PTPRN2: variants seen among roughly 807,000 people sequenced by gnomAD.
PTPRN2 encodes receptor-type tyrosine-protein phosphatase N2.
Under a neutral mutation model 118.8 loss-of-function variants are expected in PTPRN2, and 74 were observed. The ratio of observed to expected loss-of-function variants is 0.62; its 90% CI spans 0.52 to 0.76. The LOEUF (loss-of-function observed/expected upper bound fraction) is 0.76, where lower values mean the gene tolerates loss of function less well. PTPRN2 is among the 30% of genes least tolerant of loss of function. PTPRN2 has a pLI of 0.00. For synonymous variants in PTPRN2, 641 were observed against 608.0 expected, an observed-to-expected ratio of 1.05 and a Z score of -0.80; for missense variants, 1,481 against 1,394.4, an observed-to-expected ratio of 1.06 and a Z score of -0.99.
intron 16 of PTPRN2, among the ~76,000 whole-genome samples, chr7:157,595,776 G>C (rs1490288575): frequency 6.6e-6 from 1 of 152,214 alleles, no homozygotes; most frequent in East Asian, 1.9e-4. Context: ...CTTGCCCTTT[G>C]TTGATTCAAA....
intron 2 of PTPRN2, among the ~76,000 whole-genome samples, chr7:158,443,265 G>C (rs1014312612): frequency 1.3e-5 from 2 of 152,198 alleles, no homozygotes; most frequent in African/African-American, 4.8e-5. Flanking sequence ...CGCGGCTCCA[G>C]GGCAGCGCCA....
At chr7:158,338,587 C>G (rs1806134772) in intron 2 of PTPRN2, among the ~76,000 whole-genome samples, 1 of 118,714 alleles carries the variant, frequency 8.4e-6, no homozygotes, top group East Asian at 2.4e-4. Flanking sequence ...CACCCACACT[C>G]TCACCATAAG....
At position 157,861,246 on chromosome 7, in the gene PTPRN2, C is replaced by A. The variant is rs926207301; in HGVS notation, c.1788+37427G>T. On this transcript the variant is annotated intron_variant, in intron 12 of 22. Transcript: ENST00000389418. The surrounding 1 kb of genome is among the most constrained non-coding windows in gnomAD (Gnocchi z 5.8). The stretch of plus-strand genomic sequence containing the variant: ...GCTGAATTCCTGTACCTTTTACATA[C>A]GTGAAGTCTATACAATAATGGAACC... Among the ~76,000 whole-genome samples the A allele has an allele frequency of 6.6e-6, 1 of 152,218 alleles. No individual in the cohort carries two copies. Among genetic ancestry groups the A allele is most frequent in the South Asian group, 2.1e-4 (1 of 4,838 alleles).
intron 11 of PTPRN2, among the ~76,000 whole-genome samples, chr7:157,909,260 A>T (rs997555734): frequency 2.0e-5 from 3 of 152,246 alleles, no homozygotes; most frequent in Admixed American, 2.0e-4. Context: ...TCAAAGTATG[A>T]AGCATTTTTT....
chr7:157,780,944 G>A lies in PTPRN2; in HGVS notation c.1789-98007C>T, dbSNP rs909041818. Among the ~76,000 whole-genome samples the A allele has an allele frequency of 6.6e-6, 1 of 152,148 alleles. No homozygotes were observed. Among genetic ancestry groups the A allele is most frequent in the East Asian group, 1.9e-4 (1 of 5,184 alleles). The stretch of plus-strand genomic sequence containing the variant: ...ACCACCCCCACCGAGGCAGTGGGCA[G>A]CCCCTGAGCCAGGCAGCTCCAGGCC... On this transcript the variant is annotated intron_variant, in intron 12 of 22. Coordinates refer to ENST00000389418, the MANE Select transcript of PTPRN2 (RefSeq NM_002847.5). The surrounding 1 kb of genome is among the most constrained non-coding windows in gnomAD (Gnocchi z 4.5).
At position 157,898,670 on chromosome 7, in the gene PTPRN2, C is replaced by T. The variant is rs781179218; in HGVS notation, c.1788+3G>A. 12 of 1,590,570 alleles carry T rather than the reference C, an allele frequency of 7.5e-6. No individual in the cohort carries two copies. Among genetic ancestry groups the T allele is most frequent in the Non-Finnish European group, 1.0e-5 (12 of 1,158,454 alleles). ...AGCAGACGGCACCCCTTCTGTTACT[C>T]ACCGACCCGACTCCGGTTTGAAGAA... On this transcript the variant is annotated splice_donor_region_variant and intron_variant, in intron 12 of 22. Transcript: ENST00000389418.
intron 1 of PTPRN2, among the ~76,000 whole-genome samples, chr7:158,579,436 A>T (rs1828514410): frequency 6.6e-6 from 1 of 152,048 alleles, no homozygotes; most frequent in African/African-American, 2.4e-5. Flanking sequence ...GTTACCAAGG[A>T]CTCTCCCACC....
chr7:158,400,473 C>T lies in PTPRN2; in HGVS notation c.164-83541G>A, dbSNP rs141775857. ...ACAAAATCACAGCCATTAAGTCCAA[C>T]GGGATTGCTTTATGGTGGCTCAAGC... is the stretch of plus-strand genomic sequence containing the variant. On this transcript the variant is annotated intron_variant, in intron 2 of 22. Coordinates refer to ENST00000389418, the MANE Select transcript of PTPRN2 (RefSeq NM_002847.5). Among the ~76,000 whole-genome samples the T allele has an allele frequency of 1.3e-3, 204 of 152,292 alleles. 1 individual carries two copies. Among genetic ancestry groups the T allele is most frequent in the African/African-American group, 4.5e-3 (186 of 41,570 alleles).
chr7:158,041,156 G>A (rs965025381), intron 11 of PTPRN2, among the ~76,000 whole-genome samples: 4 of 152,228 alleles, frequency 2.6e-5, no homozygotes, highest in African/African-American at 4.8e-5. Flanking sequence ...CCACCAGGAA[G>A]AGCCACTGCA....
At chr7:157,970,100 G>C (rs1802215068) in intron 11 of PTPRN2, among the ~76,000 whole-genome samples, 1 of 137,420 alleles carries the variant, frequency 7.3e-6, no homozygotes, top group African/African-American at 2.5e-5. Flanking sequence ...CACAGGGAAA[G>C]GTAAAAGACA....
chr7:158,553,211 C>A (rs187142196), intron 1 of PTPRN2, among the ~76,000 whole-genome samples: 1 of 147,562 alleles, frequency 6.8e-6, no homozygotes, highest in Non-Finnish European at 1.5e-5. Context: ...TTCCCCTATA[C>A]ATGAATAGGC....
chr7:157,641,843 C>G lies in PTPRN2; in HGVS notation c.2196+14514G>C, dbSNP rs537050251. 1.3e-4 allele frequency among the ~76,000 whole-genome samples: 20 copies of G among 152,290 alleles called. No homozygotes were observed. The East Asian group carries it at 2.7e-3, about 21-fold the overall frequency. On this transcript the variant is annotated intron_variant, in intron 14 of 22. Coordinates refer to ENST00000389418, the MANE Select transcript of PTPRN2 (RefSeq NM_002847.5). ...CAACAATTACATGTGGAGTCAAGCA[C>G]CACTCCACATGTGGACGCACAAAGC...
At chr7:158,252,961 C>A (rs1028387869) in intron 3 of PTPRN2, among the ~76,000 whole-genome samples, 1 of 152,134 alleles carries the variant, frequency 6.6e-6, no homozygotes, top group Admixed American at 6.5e-5. Flanking sequence ...GAGTGAGAGT[C>A]CCTGTGGCCC....
intron 15 of PTPRN2, among the ~76,000 whole-genome samples, chr7:157,620,347 G>A (rs956267688): frequency 2.3e-4 from 35 of 152,106 alleles, no homozygotes; most frequent in African/African-American, 8.2e-4. Context: ...AACACGAGGC[G>A]GTGTCTCTTC....
chr7:158,133,538 G>T, intron 9 of PTPRN2, 139 bp downstream of exon 9: 1 of 1,244,920 alleles, frequency 8.0e-7, no homozygotes, highest in Non-Finnish European at 1.1e-6. Flanking sequence ...TGAGACTCCA[G>T]GGATGCCTGC....
At chr7:157,792,076 G>C (rs1804542198) in intron 12 of PTPRN2, among the ~76,000 whole-genome samples, 1 of 152,240 alleles carries the variant, frequency 6.6e-6, no homozygotes, top group Admixed American at 6.5e-5. Context: ...AAAGTTGGGC[G>C]AAGTGGCCCC....
At chr7:158,257,009 A>T (rs1797062501) in intron 3 of PTPRN2, among the ~76,000 whole-genome samples, 1 of 152,158 alleles carries the variant, frequency 6.6e-6, no homozygotes, top group Non-Finnish European at 1.5e-5. Flanking sequence ...CCGGACCCCT[A>T]GTTCCCTGGA....
intron 3 of PTPRN2, among the ~76,000 whole-genome samples, chr7:158,238,925 C>T (rs1483190049): frequency 1.3e-5 from 2 of 150,422 alleles, no homozygotes; most frequent in Non-Finnish European, 2.9e-5. Context: ...CCCAGGACGC[C>T]CCCAGGACAG....
At chr7:158,217,394 A>G (rs1828029376) in intron 3 of PTPRN2, among the ~76,000 whole-genome samples, 1 of 152,222 alleles carries the variant, frequency 6.6e-6, no homozygotes, top group African/African-American at 2.4e-5. Context: ...CCAATCAACT[A>G]TATCCAACTT....
Sources: gnomAD v4.1 joint callset for allele counts (sites outside exome capture counted in the v4.1 genomes callset) on GRCh38, gnomAD v4.1.1 for gene constraint, Gnocchi (gnomAD v3.1) non-coding constraint, MANE v1.5 for transcripts, NCBI Gene and HGNC (gene_info 2026-07-23, HGNC 2026-07-21) for gene names.